Variants in CEP72 observed in about 807,000 individuals in gnomAD.
CEP72 encodes the protein centrosomal protein of 72 kDa.
In CEP72, 78 loss-of-function variants were observed where a neutral mutation model predicts 65.7. The ratio of observed to expected loss-of-function variants is 1.19; its 90% confidence interval spans 0.99 to 1.43. CEP72 has a LOEUF of 1.43. Among genes scored for constraint, CEP72 ranks in the 40% most tolerant of loss-of-function variants. CEP72 has a pLI of 0.00. For synonymous variants in CEP72, 358 were observed against 351.7 expected, an observed-to-expected ratio of 1.02 and a Z score of -0.20; for missense variants, 914 against 832.9, an observed-to-expected ratio of 1.10 and a Z score of -1.20.
chr5:673,900 A>G, the CEP72 span, among the ~76,000 whole-genome samples: 1 of 152,228 alleles, frequency 6.6e-6, no homozygotes. Context: ...ACAGCCACCC[A>G]GCCCCACCCA....
At chr5:613,262 A>G (rs952539125) in intron 1 of CEP72, among the ~76,000 whole-genome samples, 2 of 152,212 alleles carry the variant, frequency 1.3e-5, no homozygotes, top group Non-Finnish European at 2.9e-5. Context: ...TGGGGGCCAC[A>G]GGCCAATACA....
intron 4 of CEP72, among the ~76,000 whole-genome samples, chr5:633,269 T>G (rs76473607): frequency 0.56 from 34,183 of 60,908 alleles, 10,236 homozygotes; most frequent in African/African-American, 0.82. Context: ...GCTGTCCAGT[T>G]CCGGGATTTA....
At chr5:625,093 G>A (rs146316472) in intron 4 of CEP72, among the ~76,000 whole-genome samples, 120 of 152,312 alleles carry the variant, frequency 7.9e-4, no homozygotes, top group African/African-American at 2.8e-3. Context: ...TTCGGAGACC[G>A]TGGGCGTGTG....
chr5:658,480 C>T (rs1053609661), downstream of CEP72, among the ~76,000 whole-genome samples: 3 of 152,160 alleles, frequency 2.0e-5, no homozygotes, highest in African/African-American at 7.2e-5. Flanking sequence ...TTTGAACTTT[C>T]TCTTCAGTCC....
At chr5:671,026 G>T (rs1271710769), downstream of CEP72, among the ~76,000 whole-genome samples, 1 of 151,938 alleles carries the variant, frequency 6.6e-6, no homozygotes, top group Non-Finnish European at 1.5e-5. Flanking sequence ...GAGGGCCAGG[G>T]CCCTCCCATT....
downstream of CEP72, chr5:657,145 T>C (rs551073774): frequency 5.9e-5 from 9 of 152,364 alleles, no homozygotes; most frequent in East Asian, 1.7e-3. Context: ...TTTGTTAATA[T>C]TTTGTTTAGC....
chr5:641,748 A>G (rs1738046462), intron 9 of CEP72: 1 of 978,780 alleles, frequency 1.0e-6, no homozygotes, highest in African/African-American at 1.8e-5. Context: ...TCCCCCATCC[A>G]GAAGCCTGTG....
chr5:659,163 GTCCATGC>G (rs1442397199), downstream of CEP72, among the ~76,000 whole-genome samples: 3 of 152,236 alleles, frequency 2.0e-5, no homozygotes, highest in Non-Finnish European at 4.4e-5. Flanking sequence ...TGTGCGTTTA[GTCCATGC>G]TCTCACCCAC....
In CEP72 at chr5:612,395, G is replaced by A. The variant is rs1229574140; in HGVS notation, c.34G>A (p.Glu12Lys). 3.4e-6 allele frequency: 5 copies of A among 1,489,764 alleles called. No individual in the cohort carries two copies. Among genetic ancestry groups the A allele is most frequent in the Middle Eastern group, 2.3e-4 (1 of 4,272 alleles). The allele number at this position is 1,489,764 out of a possible 1,614,324, so 92.3% of individuals were successfully genotyped here. The part of the protein sequence containing the change: ...ARAGPRLVLS[E>K]EAVRAKSGLG... Reference sequence around the variant, plus strand: ...GGCTGGCCCTCGGCTGGTGCTGAGCGAGGAGGCGGTTCGGGCGAAGAGCGG... The same window carrying A: ...GGCTGGCCCTCGGCTGGTGCTGAGCAAGGAGGCGGTTCGGGCGAAGAGCGG... Residue 12 changes from glutamate to lysine, a missense_variant, in exon 1 of 12, where the codon GAG becomes AAG. Transcript: ENST00000264935.
At chr5:670,385 G>A (rs1174662648), downstream of CEP72, among the ~76,000 whole-genome samples, 2 of 152,216 alleles carry the variant, frequency 1.3e-5, no homozygotes, top group East Asian at 3.8e-4. Context: ...GGCTGCCACA[G>A]GTGGGAAGCT....
At chr5:644,168 C>A in intron 9 of CEP72, 131 bp from the exon 10 acceptor site, 1 of 991,436 alleles carries the variant, frequency 1.0e-6, no homozygotes, top group Non-Finnish European at 1.5e-6. Context: ...AACTGAATTA[C>A]TGCCTTTCAC....
chr5:648,510 T>G (rs1738590634), intron 11 of CEP72, among the ~76,000 whole-genome samples: 1 of 116,154 alleles, frequency 8.6e-6, no homozygotes, highest in African/African-American at 3.8e-5. Flanking sequence ...CTGTGAGGTG[T>G]GGACTGTGAG....
intron 6 of CEP72, among the ~76,000 whole-genome samples, chr5:636,864 C>T (rs1157579178): frequency 6.6e-6 from 1 of 151,954 alleles, no homozygotes; most frequent in Non-Finnish European, 1.5e-5. Context: ...ACCCTGGCGC[C>T]TCCTGGAAGC....
At chr5:651,500 T>C (rs1156348614) in intron 11 of CEP72, among the ~76,000 whole-genome samples, 1 of 151,866 alleles carries the variant, frequency 6.6e-6, no homozygotes, top group Non-Finnish European at 1.5e-5. Context: ...CCCTGGGCGG[T>C]AGTCCGGCAG....
intron 11 of CEP72, among the ~76,000 whole-genome samples, chr5:649,872 G>A (rs1738836025): frequency 7.8e-6 from 1 of 128,568 alleles, no homozygotes; most frequent in Non-Finnish European, 1.7e-5. Flanking sequence ...TGACTGAGGT[G>A]TGGACTGTGA....
intron 9 of CEP72, 27 bp from the exon 10 acceptor site, chr5:644,272 A>C: frequency 6.2e-7 from 1 of 1,609,148 alleles, no homozygotes; most frequent in South Asian, 1.1e-5. Context: ...TGACTTGTGC[A>C]CTTAAGTGTA....
chr5:652,937 C>T, intron 11 of CEP72, 51 bp from the exon 12 acceptor site: 1 of 1,528,340 alleles, frequency 6.5e-7, no homozygotes, highest in Non-Finnish European at 8.8e-7. Context: ...GAGGGCCACA[C>T]CGCTGGAGAG....
At chr5:620,412 GCAGACACA>G (rs1736314348) in intron 3 of CEP72, 151 bp downstream of exon 3, 3 of 682,104 alleles carry the variant, frequency 4.4e-6, no homozygotes, top group Non-Finnish European at 5.0e-6. Context: ...TTGAGTTCCT[GCAGACACA>G]CAGCTCGAGA....
At chr5:643,157 A>G in intron 9 of CEP72, 1 of 972,350 alleles carries the variant, frequency 1.0e-6, no homozygotes, top group African/African-American at 1.8e-5. Context: ...GTGAGCTGTG[A>G]TTGCTCCACT....
Sources: allele counts gnomAD v4.1 joint callset (sites outside exome capture counted in the v4.1 genomes callset), GRCh38; gene constraint gnomAD v4.1.1; transcripts MANE v1.5; gene names NCBI Gene and HGNC (gene_info 2026-07-23, HGNC 2026-07-21).